COL8A1: variants seen among roughly 807,000 people sequenced by gnomAD.
COL8A1 encodes collagen alpha-1(VIII) chain.
Under a neutral mutation model 42.7 loss-of-function variants are expected in COL8A1, and 21 were observed. The observed-to-expected ratio is 0.49, with a 90% CI of 0.35 to 0.71. COL8A1 has a LOEUF of 0.71. Among genes scored for constraint, COL8A1 ranks in the 30% least tolerant of loss-of-function variants. The pLI is 0.01. For synonymous variants in COL8A1, 367 were observed against 369.1 expected, an observed-to-expected ratio of 0.99 and a Z score of 0.06; for missense variants, 788 against 962.4, an observed-to-expected ratio of 0.82 and a Z score of 2.40.
intron 2 of COL8A1, among the ~76,000 whole-genome samples, chr3:99,758,191 T>A (rs1256550119): frequency 6.6e-6 from 1 of 152,180 alleles, no homozygotes; most frequent in African/African-American, 2.4e-5. Context: ...GGCTTACAAG[T>A]AGAATGTCTT....
chr3:99,709,664 T>C (rs1263028754), intron 1 of COL8A1, among the ~76,000 whole-genome samples: 3 of 152,172 alleles, frequency 2.0e-5, no homozygotes, highest in Non-Finnish European at 2.9e-5. Flanking sequence ...CCACAGAATG[T>C]CACATGCCTC....
At chr3:99,714,128 G>A (rs1939923806) in intron 1 of COL8A1, among the ~76,000 whole-genome samples, 4 of 152,154 alleles carry the variant, frequency 2.6e-5, no homozygotes, top group Middle Eastern at 3.4e-3. Context: ...GCTCTCCCTG[G>A]ACGTGTCTAA....
intron 1 of COL8A1, among the ~76,000 whole-genome samples, chr3:99,687,932 A>G (rs545716406): frequency 6.6e-6 from 1 of 152,326 alleles, no homozygotes; most frequent in Admixed American, 6.5e-5. Flanking sequence ...CGTAAAAGAA[A>G]GCAGCACAAG....
chr3:99,754,085 A>G (rs1242638436), intron 2 of COL8A1, among the ~76,000 whole-genome samples: 1 of 152,242 alleles, frequency 6.6e-6, no homozygotes, highest in East Asian at 1.9e-4. Flanking sequence ...GTATACACTG[A>G]ATAAATAATT....
intron 1 of COL8A1, among the ~76,000 whole-genome samples, chr3:99,692,564 T>A (rs961097718): frequency 1.3e-5 from 2 of 152,222 alleles, no homozygotes; most frequent in Non-Finnish European, 2.9e-5. Context: ...ACCATTTGAA[T>A]GAACAATTGA....
intron 1 of COL8A1, among the ~76,000 whole-genome samples, chr3:99,720,550 T>C (rs952114975): frequency 6.6e-6 from 1 of 152,174 alleles, no homozygotes; most frequent in African/African-American, 2.4e-5. Context: ...ATAAAAATAA[T>C]AGTTATAGAT....
At chr3:99,647,475 G>GTCTC (rs10662522) in intron 1 of COL8A1, among the ~76,000 whole-genome samples, 108 of 147,738 alleles carry the variant, frequency 7.3e-4, no homozygotes, top group African/African-American at 2.2e-3. Flanking sequence ...TATTATTCAA[G>GTCTC]TCTCTCTCTC....
In COL8A1 at chr3:99,797,598, T is replaced by C. The variant is rs886155862; in HGVS notation, c.*1462T>C. 5 of 152,134 alleles carry C rather than the reference T, an allele frequency of 3.3e-5. No homozygotes were observed. The highest frequency in any genetic ancestry group is 3.2e-3 in the Middle Eastern group (1 of 316). 9.4% of individuals were successfully genotyped at this position (152,134 alleles called of 1,614,324 possible). A position where few individuals can be genotyped will look rare whatever the true frequency, so the allele number is the denominator to read the frequency against. ...AAGTCAGCTTTCAAAATCCAAGCCA[T>C]AATTGGTGAGGGGGGAGTTTCAGAA... On this transcript the variant is annotated 3_prime_UTR_variant, in exon 4 of 4. Transcript: ENST00000652472.
intron 1 of COL8A1, among the ~76,000 whole-genome samples, chr3:99,692,284 C>G (rs1939243070): frequency 6.6e-6 from 1 of 152,210 alleles, no homozygotes; most frequent in Non-Finnish European, 1.5e-5. Flanking sequence ...TTGTCTAAAA[C>G]AACTGAAACC....
Position 99,796,559 on chromosome 3 carries a change from A to G in COL8A1, c.*423A>G, listed in dbSNP as rs1365973368. On this transcript the variant is annotated 3_prime_UTR_variant, in exon 4 of 4. Transcript: ENST00000652472. ...AAGAAATACAAATGATAACAATTAC[A>G]TACCGTATTTACTTGCTTAATTTCC... The G allele has an allele frequency of 6.5e-6, 1 of 154,934 alleles. No homozygotes were observed. The highest frequency in any genetic ancestry group is 1.4e-5 in the Non-Finnish European group (1 of 69,866). The allele number at this position is 154,934 out of a possible 1,614,324, so 9.6% of individuals were successfully genotyped here.
chr3:99,747,563 GAAAT>G (rs931114197), intron 2 of COL8A1, among the ~76,000 whole-genome samples: 30 of 152,188 alleles, frequency 2.0e-4, no homozygotes, highest in African/African-American at 6.8e-4. Context: ...CTACACTTTG[GAAAT>G]AAATAGAGTG....
intron 1 of COL8A1, among the ~76,000 whole-genome samples, chr3:99,669,123 TTATA>T (rs775831851): frequency 0.021 from 2,035 of 96,578 alleles, 67 homozygotes; most frequent in African/African-American, 0.079. Flanking sequence ...CTTAAAAAAA[TTATA>T]TATATATATA....
chr3:99,647,002 T>C (rs778767300), intron 1 of COL8A1, among the ~76,000 whole-genome samples: 2 of 152,230 alleles, frequency 1.3e-5, no homozygotes, highest in Non-Finnish European at 2.9e-5. Context: ...TTCAAAACAC[T>C]GCTACCTGGG....
rs573527684 is a variant in COL8A1 at position 99,783,394 on chromosome 3, G to C, written c.-3-7286G>C. On this transcript the variant is annotated intron_variant, in intron 2 of 3. Coordinates refer to ENST00000652472, the MANE Select transcript of COL8A1 (RefSeq NM_020351.4). ...TAATTACAGAATTCAGAATTTGTTA[G>C]TGAAGCATATAATTTAGGCTGTTTT... Among the ~76,000 whole-genome samples, 14 of 152,348 alleles carry C rather than the reference G, an allele frequency of 9.2e-5. No homozygotes were observed. The South Asian group carries it at 2.9e-3, about 32-fold the overall frequency.
In COL8A1 at chr3:99,794,263, G is replaced by T; in HGVS notation, c.362G>T (p.Gly121Val). The change falls in exon 4 of 4, where the codon GGT becomes GTT. Residue 121 changes from glycine (G) to valine (V), a missense_variant. Gly to Val is a moderately radical substitution (Grantham distance 109, BLOSUM62 -3). Coordinates refer to ENST00000652472, the MANE Select transcript of COL8A1 (RefSeq NM_020351.4). This position sits in a 1 kb window ranked among gnomAD's most constrained non-coding sequence, Gnocchi z 4.3. ...IPLASLRGEQ[G>V]PRGEPGPRGP... is the part of the protein sequence containing the mutation. ...TTAGCCAGTTTACGAGGGGAACAAG[G>T]TCCCCGTGGAGAGCCTGGCCCAAGA... is the stretch of plus-strand genomic sequence containing the variant. 6.2e-7 allele frequency: 1 copy of T among 1,603,440 alleles called. No homozygotes were observed. The highest frequency in any genetic ancestry group is 8.5e-7 in the Non-Finnish European group (1 of 1,175,460).
chr3:99,687,239 C>A (rs2107329957), intron 1 of COL8A1, among the ~76,000 whole-genome samples: 1 of 152,324 alleles, frequency 6.6e-6, no homozygotes, highest in East Asian at 1.9e-4. Flanking sequence ...AAATTCAAGT[C>A]TTTCCTCAAC....
chr3:99,725,852 G>C (rs1940300139), intron 1 of COL8A1, among the ~76,000 whole-genome samples: 1 of 151,862 alleles, frequency 6.6e-6, no homozygotes, highest in Non-Finnish European at 1.5e-5. Flanking sequence ...CTTTGCTATT[G>C]TGAATAGTGC....
intron 1 of COL8A1, among the ~76,000 whole-genome samples, chr3:99,703,827 C>T (rs1939608833): frequency 6.6e-6 from 1 of 152,174 alleles, no homozygotes; most frequent in African/African-American, 2.4e-5. Flanking sequence ...AGATTTTCAA[C>T]CCTCACTCCT....
At position 99,795,936 on chromosome 3, in the gene COL8A1, T is replaced by C; in HGVS notation, c.2035T>C (p.Phe679Leu). Residue 679 changes from phenylalanine to leucine, a missense_variant, in exon 4 of 4, where the codon TTC becomes CTC. This residue lies in a region of COL8A1 where 212 missense variants were observed against 210.9 expected (regional missense o/e 1.00). Transcript: ENST00000652472. ...GGGGGGCAACGTGTGGGTTGCTCTA[T>C]TCAAGAACAACGAGCCCGTGATGTA... ...CKGGNVWVALFKNNEPVMYTY... is the reference protein window; with the variant it reads ...CKGGNVWVALLKNNEPVMYTY... 1 of 1,614,168 alleles carries C rather than the reference T, an allele frequency of 6.2e-7. No homozygotes were observed. Among genetic ancestry groups the C allele is most frequent in the Non-Finnish European group, 8.5e-7 (1 of 1,180,010 alleles).
Sources: allele counts gnomAD v4.1 joint callset (sites outside exome capture counted in the v4.1 genomes callset), GRCh38; gene constraint gnomAD v4.1.1; regional missense constraint gnomAD v4.1.1; non-coding constraint Gnocchi (gnomAD v3.1); transcripts MANE v1.5; gene names NCBI Gene and HGNC (gene_info 2026-07-23, HGNC 2026-07-21).